Variants in TRIP12 observed in about 807,000 individuals in gnomAD.
TRIP12 encodes E3 ubiquitin-protein ligase TRIP12.
TRIP12 carries 25 observed loss-of-function variants against 244.2 expected under a neutral mutation model. The ratio of observed to expected loss-of-function variants is 0.10; its 90% CI spans 0.07 to 0.14. The LOEUF is 0.14. Among genes scored for constraint, TRIP12 ranks in the 10% least tolerant of loss-of-function variants. The pLI is 1.00. For synonymous variants in TRIP12, 905 were observed against 873.1 expected (o/e 1.04, Z -0.64); for missense variants, 1,677 against 2,486.4 (o/e 0.67, Z 6.92).
chr2:229,915,119 GGCAGGC>G (rs2075125304), intron 1 of TRIP12, among the ~76,000 whole-genome samples: 1 of 152,114 alleles, frequency 6.6e-6, no homozygotes, highest in African/African-American at 2.4e-5. Context: ...TGGGTGTGGT[GGCAGGC>G]ACCTGTATCC....
chr2:229,888,678 C>CT (rs1478609548), intron 1 of TRIP12, among the ~76,000 whole-genome samples: 1 of 152,178 alleles, frequency 6.6e-6, no homozygotes, highest in African/African-American at 2.4e-5. Flanking sequence ...GGTAGCGCGC[C>CT]TGTAGTCCCA....
At chr2:229,854,123 G>C (rs974515972) in intron 4 of TRIP12, among the ~76,000 whole-genome samples, 2 of 152,068 alleles carry the variant, frequency 1.3e-5, no homozygotes, top group Non-Finnish European at 2.9e-5. Context: ...GCAAAGTCTG[G>C]GCTTTCGGTA....
chr2:229,817,552 A>C (rs2048810130), intron 9 of TRIP12, among the ~76,000 whole-genome samples: 1 of 152,220 alleles, frequency 6.6e-6, no homozygotes, highest in Admixed American at 6.5e-5. Context: ...ACTGTGTTGA[A>C]AAGGCATTAA....
chr2:229,920,095 G>T (rs1416781657), intron 1 of TRIP12, among the ~76,000 whole-genome samples: 1 of 152,090 alleles, frequency 6.6e-6, no homozygotes. Flanking sequence ...ACACACACAG[G>T]CCTCATATAC....
chr2:229,847,719 T>C (rs761291051), intron 4 of TRIP12, among the ~76,000 whole-genome samples: 2 of 152,162 alleles, frequency 1.3e-5, no homozygotes, highest in East Asian at 1.9e-4. Context: ...TAGGGCAGTG[T>C]TGGGATTAAA....
Position 229,802,296 on chromosome 2 carries a change from G to A in TRIP12, c.3162C>T (p.Ser1054=). 1.9e-6 allele frequency: 3 copies of A among 1,612,844 alleles called. No individual in the cohort carries two copies. Among genetic ancestry groups the A allele is most frequent in the South Asian group, 1.1e-5 (1 of 91,006 alleles). Reference sequence around the variant, plus strand: ...AAGAATCATCCCTGCTGTGCTGCAAGCTGGGTGATCCCAAGTCAGCTGCAG... The same window carrying A: ...AAGAATCATCCCTGCTGTGCTGCAAACTGGGTGATCCCAAGTCAGCTGCAG... ...THAAADLGSP[S]LQHSRDDSLD... The change falls in exon 21 of 42, where the codon AGC becomes AGT. Residue 1054 remains serine, a synonymous_variant. Transcript: ENST00000675903.
chr2:229,864,033 AGAGAGAGAGAGAGAGT>A (rs770314222), intron 2 of TRIP12, among the ~76,000 whole-genome samples: 93 of 118,166 alleles, frequency 7.9e-4, no homozygotes, highest in Middle Eastern at 4.2e-3. Flanking sequence ...AGAGAGAGAG[AGAGAGAGAGAGAGAGT>A]GTGTGTGTGT....
chr2:229,920,608 CACA>C (rs1445079997), intron 1 of TRIP12, among the ~76,000 whole-genome samples: 4 of 152,252 alleles, frequency 2.6e-5, no homozygotes, highest in South Asian at 2.1e-4. Flanking sequence ...ATCAAAAAAA[CACA>C]ACATTTGTCT....
At chr2:229,797,856 T>C (rs1411148738) in intron 23 of TRIP12, 25 bp from the exon 24 acceptor site, 1 of 1,609,498 alleles carries the variant, frequency 6.2e-7, no homozygotes, top group South Asian at 1.1e-5. Flanking sequence ...AAGGAGATAT[T>C]AAAGTCCCAG....
Position 229,772,550 on chromosome 2 carries a change from G to A in TRIP12, c.5695-918C>T, listed in dbSNP as rs191838061. 2.1e-3 allele frequency among the ~76,000 whole-genome samples: 314 copies of A among 152,184 alleles called. 1 individual carries two copies. The highest frequency in any genetic ancestry group is 7.1e-3 in the African/African-American group (294 of 41,510). On this transcript the variant is annotated intron_variant, in intron 38 of 41. Coordinates refer to ENST00000675903, the MANE Select transcript of TRIP12 (RefSeq NM_001348323.3). ...ATGATCCTGACTCACTGCAACCTCC[G>A]CCTCCTGGGTTCAAGCAATTCTCTT... is the stretch of plus-strand genomic sequence containing the variant.
In TRIP12 at chr2:229,836,953, C is replaced by T. The variant is rs202069217; in HGVS notation, c.1165G>A (p.Ala389Thr). ...RRGSGLGKRG[A>T]AEARRQEKMA... ...TTCTCCTGTCGACGAGCTTCAGCTG[C>T]TCCTCTTTTGCCCAGGCCAGAGCCT... The change falls in exon 6 of 42, where the codon GCA becomes ACA. Residue 389 changes from alanine (A) to threonine (T), a missense_variant. Physicochemically the swap from Ala to Thr is moderately conservative, Grantham distance 58 (BLOSUM62 0). Transcript: ENST00000675903. 8.5e-5 allele frequency: 135 copies of T among 1,590,458 alleles called. No homozygotes were observed. The highest frequency in any genetic ancestry group is 8.2e-5 in the African/African-American group (6 of 73,114).
At chr2:229,831,992 A>G (rs2053563279) in intron 6 of TRIP12, among the ~76,000 whole-genome samples, 1 of 151,928 alleles carries the variant, frequency 6.6e-6, no homozygotes, top group Non-Finnish European at 1.5e-5. Flanking sequence ...GCCAGGAAGA[A>G]TATTTTTGTC....
chr2:229,893,253 C>T (rs920668409), intron 1 of TRIP12, among the ~76,000 whole-genome samples: 2 of 152,162 alleles, frequency 1.3e-5, no homozygotes, highest in African/African-American at 4.8e-5. Context: ...GTTGCAGGCA[C>T]CATTATACTT....
In TRIP12 at chr2:229,858,842, C is replaced by T. The variant is rs149680836; in HGVS notation, c.957G>A (p.Leu319=). 82 of 1,614,144 alleles carry T rather than the reference C, an allele frequency of 5.1e-5. No individual in the cohort carries two copies. The African/African-American group carries it at 9.7e-4, about 19-fold the overall frequency. The change falls in exon 4 of 42, where the codon CTG becomes CTA. Residue 319 remains leucine, a synonymous_variant. Transcript: ENST00000675903. ...CTGACTTAGAAGACCCTGGAAGAGA[C>T]AGTTTTGTTTTAGGAAGGCTAACTT... ...SPKVSLPKTK[L]SLPGSSKSET...
chr2:229,885,648 C>T (rs541971219), intron 1 of TRIP12, among the ~76,000 whole-genome samples: 1 of 152,330 alleles, frequency 6.6e-6, no homozygotes, highest in East Asian at 1.9e-4. Flanking sequence ...AGAAGTCATT[C>T]TTGCCTACCT....
At chr2:229,850,451 C>T (rs917787834) in intron 4 of TRIP12, among the ~76,000 whole-genome samples, 1 of 152,200 alleles carries the variant, frequency 6.6e-6, no homozygotes, top group Non-Finnish European at 1.5e-5. Flanking sequence ...TTTTAAGCTC[C>T]CTGCCCAACT....
chr2:229,822,432 A>T (rs2050317580), intron 8 of TRIP12, among the ~76,000 whole-genome samples: 2 of 152,242 alleles, frequency 1.3e-5, no homozygotes, highest in Admixed American at 1.3e-4. Flanking sequence ...TCAAAATTCT[A>T]GGAGGGCCAC....
chr2:229,843,032 TTCTC>T (rs922040104), intron 4 of TRIP12, among the ~76,000 whole-genome samples: 2 of 151,422 alleles, frequency 1.3e-5, no homozygotes, highest in Admixed American at 6.6e-5. Flanking sequence ...TTGTAGGTAA[TTCTC>T]TCTTATTCTC....
chr2:229,787,767 A>T, intron 32 of TRIP12, 106 bp from the exon 33 acceptor site: 6 of 1,054,998 alleles, frequency 5.7e-6, no homozygotes, highest in Non-Finnish European at 8.0e-6. Flanking sequence ...GATATAGAAA[A>T]TTGTAAATAA....
Sources: allele counts gnomAD v4.1 joint callset (sites outside exome capture counted in the v4.1 genomes callset), GRCh38; gene constraint gnomAD v4.1.1; transcripts MANE v1.5; gene names NCBI Gene and HGNC (gene_info 2026-07-23, HGNC 2026-07-21).